TG: variants seen among roughly 807,000 people sequenced by gnomAD.
The protein encoded by TG is thyroglobulin.
TG carries 270 observed loss-of-function variants against 324.7 expected under a neutral mutation model. That is an observed-to-expected ratio of 0.83 (90% confidence interval 0.75 to 0.92). The LOEUF is 0.92. TG is among the 40% of genes least tolerant of loss of function. TG has a pLI of 0.00. For synonymous variants in TG, 1,401 were observed against 1,327.0 expected, an observed-to-expected ratio of 1.06 and a Z score of -1.21; for missense variants, 3,591 against 3,456.4, an observed-to-expected ratio of 1.04 and a Z score of -0.98.
At position 132,917,043 on chromosome 8, in the gene TG, CTCCT is replaced by C. The variant is rs1268389871; in HGVS notation, c.4379-2293_4379-2290del. 8.6e-3 allele frequency among the ~76,000 whole-genome samples: 421 copies of C among 48,842 alleles called. 8 individuals carry two copies. The highest frequency in any genetic ancestry group is 0.022 in the African/African-American group (352 of 15,968). The allele number at this position is 48,842 out of a possible 152,430, so 32.0% of individuals were successfully genotyped here. A position where few individuals can be genotyped will look rare whatever the true frequency, so the allele number is the denominator to read the frequency against. ...CCTCCATGCCTCCCTCCCTCCCTCC[CTCCT>C]TCCTTCCTTCCTTCCTTCCTTCCTT... On this transcript the variant is annotated intron_variant, in intron 20 of 47. Transcript: ENST00000220616.
chr8:133,011,886 T>A lies in TG; in HGVS notation c.6263-15T>A. 6.2e-7 allele frequency: 1 copy of A among 1,614,202 alleles called. No individual in the cohort carries two copies. The highest frequency in any genetic ancestry group is 8.5e-7 in the Non-Finnish European group (1 of 1,180,036). On this transcript the variant is annotated splice_polypyrimidine_tract_variant and intron_variant, in intron 35 of 47. Coordinates refer to ENST00000220616, the MANE Select transcript of TG (RefSeq NM_003235.5). Reference sequence around the variant, plus strand: ...GTGACAACTGCATGTGACTGTCCGTTGCCTTCTCTCCTAGTGTCTCTGGAC... The same window carrying A: ...GTGACAACTGCATGTGACTGTCCGTAGCCTTCTCTCCTAGTGTCTCTGGAC...
rs372517082 is a variant in TG, at chr8:132,893,935, T to C, written c.3001+6T>C. The C allele has an allele frequency of 6.2e-7, 1 of 1,613,976 alleles. No homozygotes were observed. The highest frequency in any genetic ancestry group is 8.5e-7 in the Non-Finnish European group (1 of 1,179,914). On this transcript the variant is annotated splice_donor_region_variant and intron_variant, in intron 11 of 47. Coordinates refer to ENST00000220616, the MANE Select transcript of TG (RefSeq NM_003235.5). ...TCGCCTGGCGGCTCAGTCTAGTGAG[T>C]GTGGTGCCCTTCAGCTTTCTTACTG... is the stretch of plus-strand genomic sequence containing the variant.
intron 41 of TG, chr8:133,058,930 T>C (rs1188015089): frequency 6.5e-6 from 3 of 458,182 alleles, no homozygotes; most frequent in Non-Finnish European, 1.3e-5. Flanking sequence ...GGGTGTGGGG[T>C]GGCTGGGTCT....
chr8:133,129,886 T>C lies in TG; in HGVS notation c.7863-1926T>C, dbSNP rs1851817825. On this transcript the variant is annotated intron_variant, in intron 45 of 47. Coordinates refer to ENST00000220616, the MANE Select transcript of TG (RefSeq NM_003235.5). Reference sequence around the variant, plus strand: ...AGATCCACCTATACACTTAACAGCATTTTATGTGTAATTTTAGGGAACTTG... The same window carrying C: ...AGATCCACCTATACACTTAACAGCACTTTATGTGTAATTTTAGGGAACTTG... Among the ~76,000 whole-genome samples, 2 of 152,130 alleles carry C rather than the reference T, an allele frequency of 1.3e-5. 1 individual carries two copies. The highest frequency in any genetic ancestry group is 4.1e-4 in the South Asian group (2 of 4,828).
At chr8:132,914,635 G>A (rs555513963) in intron 20 of TG, among the ~76,000 whole-genome samples, 1 of 152,318 alleles carries the variant, frequency 6.6e-6, no homozygotes, top group African/African-American at 2.4e-5. Context: ...ATGAGATGGG[G>A]CATCTGTCAT....
intron 41 of TG, among the ~76,000 whole-genome samples, chr8:133,056,989 C>T (rs1425253800): frequency 6.6e-6 from 1 of 152,136 alleles, no homozygotes; most frequent in African/African-American, 2.4e-5. Context: ...CAGTTACTTC[C>T]CAGGGGATTC....
Position 133,134,661 on chromosome 8 carries a change from G to A in TG, c.8189-15G>A. On this transcript the variant is annotated splice_polypyrimidine_tract_variant and intron_variant, in intron 47 of 47. Transcript: ENST00000220616. ...AATCTGGCTTGGACCAACCTTCCTT[G>A]CCCCTCTGTTTCAGATGGAGCCAAG... The A allele has an allele frequency of 1.9e-6, 3 of 1,610,494 alleles. No individual in the cohort carries two copies. Among genetic ancestry groups the A allele is most frequent in the Non-Finnish European group, 2.5e-6 (3 of 1,176,816 alleles).
In TG at chr8:132,898,200, G is replaced by T. The variant is rs772388199; in HGVS notation, c.3171G>T (p.Gly1057=). The T allele has an allele frequency of 1.6e-5, 25 of 1,605,440 alleles. No individual in the cohort carries two copies. Among genetic ancestry groups the T allele is most frequent in the Non-Finnish European group, 2.0e-5 (23 of 1,176,210 alleles). Residue 1057 remains glycine (G), a synonymous_variant, in exon 13 of 48, where the codon GGG becomes GGT. Coordinates refer to ENST00000220616, the MANE Select transcript of TG (RefSeq NM_003235.5). ...GHCWCVDEKG[G]FIPGSLTARS... Reference sequence around the variant, plus strand: ...GCTGGTGTGTAGATGAGAAAGGAGGGTTCATCCCTGGCTCACTGACTGCCC... The same window carrying T: ...GCTGGTGTGTAGATGAGAAAGGAGGTTTCATCCCTGGCTCACTGACTGCCC...
At chr8:133,104,097 T>A (rs753916521) in intron 43 of TG, among the ~76,000 whole-genome samples, 1 of 151,798 alleles carries the variant, frequency 6.6e-6, no homozygotes, top group African/African-American at 2.4e-5. Flanking sequence ...AGGTACAGAG[T>A]GGGTGCAAAG....
chr8:132,913,052 G>A lies in TG; in HGVS notation c.4165G>A (p.Ala1389Thr), dbSNP rs747583392. 3.7e-6 allele frequency: 6 copies of A among 1,613,972 alleles called. No homozygotes were observed. In the Admixed American group the frequency reaches 6.7e-5, roughly 18 times the overall value. The change falls in exon 20 of 48, where the codon GCC becomes ACC. Residue 1389 changes from alanine to threonine, a missense_variant. Physicochemically the swap from Ala to Thr is moderately conservative, Grantham distance 58. Coordinates refer to ENST00000220616, the MANE Select transcript of TG (RefSeq NM_003235.5). ...SLPDLHDIER[A>T]LVGKDLLGRF... The stretch of plus-strand genomic sequence containing the variant: ...CCTTATCCTGTGTCTTACAGAGAGA[G>A]CCTTGGTGGGCAAGGATCTCCTTGG...
intron 41 of TG, chr8:133,049,102 G>A (rs1839966637): frequency 2.2e-6 from 1 of 454,468 alleles, no homozygotes; most frequent in Middle Eastern, 3.3e-4. Context: ...CCCTCACATG[G>A]AAGGAAGGAA....
chr8:132,893,230 G>A (rs1480165403), intron 10 of TG, among the ~76,000 whole-genome samples: 1 of 111,774 alleles, frequency 8.9e-6, no homozygotes, highest in Non-Finnish European at 1.9e-5. Flanking sequence ...GTGTATATGT[G>A]GTGTGTGTGT....
At chr8:132,964,449 G>T (rs1315921933) in intron 29 of TG, among the ~76,000 whole-genome samples, 2 of 152,114 alleles carry the variant, frequency 1.3e-5, no homozygotes, top group Non-Finnish European at 2.9e-5. Flanking sequence ...GCATCTCCAC[G>T]TGGGCTCGTT....
chr8:133,003,493 C>G (rs1287465903), intron 35 of TG, among the ~76,000 whole-genome samples: 1 of 151,502 alleles, frequency 6.6e-6, no homozygotes, highest in African/African-American at 2.4e-5. Flanking sequence ...ACTATAGTCA[C>G]TGTGCTGTGT....
At chr8:132,869,389 A>C (rs1036030839) in intron 2 of TG, among the ~76,000 whole-genome samples, 1 of 152,056 alleles carries the variant, frequency 6.6e-6, no homozygotes, top group African/African-American at 2.4e-5. Flanking sequence ...CAATGTGGGC[A>C]CTGCCTTTAC....
chr8:132,960,169 G>C (rs1423896183), intron 27 of TG, among the ~76,000 whole-genome samples: 1 of 152,098 alleles, frequency 6.6e-6, no homozygotes, highest in Non-Finnish European at 1.5e-5. Flanking sequence ...CCAGCACAAA[G>C]TTTTGCATGT....
intron 15 of TG, 110 bp downstream of exon 15, chr8:132,900,449 G>C (rs1157899692): frequency 4.0e-6 from 4 of 996,844 alleles, no homozygotes; most frequent in Admixed American, 4.0e-5. Context: ...CATAGCTGTG[G>C]GGGCACAGCT....
intron 41 of TG, chr8:133,040,363 G>A: frequency 3.8e-6 from 2 of 525,568 alleles, no homozygotes; most frequent in South Asian, 2.7e-5. Context: ...CATGGGCAGA[G>A]AGAGAGGTTT....
chr8:133,050,933 AG>A (rs753349578), intron 41 of TG: 3 of 1,458,056 alleles, frequency 2.1e-6, no homozygotes, highest in African/African-American at 1.4e-5. Context: ...AACAAAGGCA[AG>A]GGGGAAGGGG....
Sources: gnomAD v4.1 joint callset for allele counts (sites outside exome capture counted in the v4.1 genomes callset) on GRCh38, gnomAD v4.1.1 for gene constraint, MANE v1.5 for transcripts, NCBI Gene and HGNC (gene_info 2026-07-23, HGNC 2026-07-21) for gene names.